Variants in SUSD1 observed in about 807,000 individuals in gnomAD.
SUSD1 encodes the protein sushi domain containing 1, also known as sushi domain-containing protein 1.
A neutral mutation model predicts 86.9 loss-of-function variants in SUSD1; 65 were observed. The ratio of observed to expected loss-of-function variants is 0.75; its 90% CI spans 0.61 to 0.92. The LOEUF is 0.92. Among genes scored for constraint, SUSD1 ranks in the 40% least tolerant of loss-of-function variants. SUSD1 has a pLI of 0.00. For missense variants in SUSD1, 850 were observed against 929.7 expected, an observed-to-expected ratio of 0.91 and a Z score of 1.11; for synonymous variants, 346 against 350.0, an observed-to-expected ratio of 0.99 and a Z score of 0.13.
chr9:112,058,168 G>A (rs979734619), intron 14 of SUSD1, among the ~76,000 whole-genome samples: 1 of 149,916 alleles, frequency 6.7e-6, no homozygotes, highest in Admixed American at 6.6e-5. Context: ...TAGAATGAGG[G>A]CATCTGTAAA....
intron 14 of SUSD1, among the ~76,000 whole-genome samples, chr9:112,056,708 CTTTG>C (rs1356801116): frequency 7.1e-6 from 1 of 139,962 alleles, no homozygotes; most frequent in Non-Finnish European, 1.5e-5. Flanking sequence ...AACCAGAATT[CTTTG>C]TGTGTGTGTG....
chr9:112,175,220 A>G lies in SUSD1; in HGVS notation c.16T>C (p.Trp6Arg). 8.7e-7 allele frequency: 1 copy of G among 1,150,222 alleles called. No homozygotes were observed. The highest frequency in any genetic ancestry group is 1.1e-6 in the Non-Finnish European group (1 of 937,998). The allele number at this position is 1,150,222 out of a possible 1,614,324, so 71.3% of individuals were successfully genotyped here. A position where few individuals can be genotyped will look rare whatever the true frequency, so the allele number is the denominator to read the frequency against. Residue 6 changes from tryptophan to arginine, a missense_variant, in exon 1 of 17, where the codon TGG becomes CGG. Physicochemically the swap from Trp to Arg is moderately radical, Grantham distance 101. Transcript: ENST00000374270. The surrounding 1 kb of genome is among the most constrained non-coding windows in gnomAD (Gnocchi z 4.7). MGRGP[W>R]DAGPSRRLLP... Reference sequence around the variant, plus strand: ...AGGCGGCGAGACGGGCCCGCATCCCAGGGCCCCCGGCCCATGCCGCCGCCG... The same window carrying G: ...AGGCGGCGAGACGGGCCCGCATCCCGGGGCCCCCGGCCCATGCCGCCGCCG...
chr9:112,132,504 T>C (rs921977998), intron 5 of SUSD1, among the ~76,000 whole-genome samples: 8 of 152,230 alleles, frequency 5.3e-5, no homozygotes. Flanking sequence ...GTCACTAGCA[T>C]GCCTTAGAAT....
intron 5 of SUSD1, among the ~76,000 whole-genome samples, chr9:112,136,709 T>C (rs897508395): frequency 2.6e-5 from 4 of 152,198 alleles, no homozygotes; most frequent in African/African-American, 9.6e-5. Context: ...ATACCAGCAC[T>C]AAAATTCCAC....
At chr9:112,166,016 A>G (rs1414147164) in intron 1 of SUSD1, among the ~76,000 whole-genome samples, 1 of 152,164 alleles carries the variant, frequency 6.6e-6, no homozygotes, top group Non-Finnish European at 1.5e-5. Flanking sequence ...CATAAGTATA[A>G]CCGCAAAGAC....
chr9:112,151,719 A>T (rs10817271), intron 2 of SUSD1, among the ~76,000 whole-genome samples: 68,862 of 151,374 alleles, frequency 0.45, 16,332 homozygotes, highest in African/African-American at 0.6. Context: ...CTGGCCAACA[A>T]GGTGAAACCC....
intron 1 of SUSD1, among the ~76,000 whole-genome samples, chr9:112,169,563 G>A (rs1247566982): frequency 6.6e-6 from 1 of 151,944 alleles, no homozygotes; most frequent in African/African-American, 2.4e-5. Context: ...CACACTGAGT[G>A]CCATTCATTT....
At chr9:112,060,943 C>T (rs1828695508) in intron 13 of SUSD1, among the ~76,000 whole-genome samples, 1 of 152,176 alleles carries the variant, frequency 6.6e-6, no homozygotes, top group Non-Finnish European at 1.5e-5. Flanking sequence ...GAGGCATCAT[C>T]GACAGAGTAT....
intron 5 of SUSD1, among the ~76,000 whole-genome samples, chr9:112,135,830 A>G (rs1293107695): frequency 6.6e-6 from 1 of 152,232 alleles, no homozygotes; most frequent in Non-Finnish European, 1.5e-5. Context: ...GGCTTTATTC[A>G]TTATCCGATT....
At chr9:112,110,563 C>CTT in intron 8 of SUSD1, among the ~76,000 whole-genome samples, 1 of 143,526 alleles carries the variant, frequency 7.0e-6, no homozygotes, top group East Asian at 2.1e-4. Flanking sequence ...AATTTTCTTT[C>CTT]TTTTTTTTTT....
At chr9:112,172,956 C>T (rs1834107933) in intron 1 of SUSD1, among the ~76,000 whole-genome samples, 2 of 152,194 alleles carry the variant, frequency 1.3e-5, no homozygotes, top group African/African-American at 4.8e-5. Context: ...GGGGGCTCAA[C>T]CAGGAAGCCT....
At chr9:112,059,056 T>G (rs1051599328) in intron 13 of SUSD1, among the ~76,000 whole-genome samples, 1 of 152,198 alleles carries the variant, frequency 6.6e-6, no homozygotes, top group Admixed American at 6.5e-5. Context: ...CCTCCCAGAG[T>G]GCTGGGATTA....
At chr9:112,152,739 A>AT (rs1298343871) in intron 2 of SUSD1, among the ~76,000 whole-genome samples, 201 of 93,872 alleles carry the variant, frequency 2.1e-3, no homozygotes, top group African/African-American at 8.5e-3. Context: ...TTCTTCTATT[A>AT]TTTTTTTTAA....
chr9:112,157,592 C>T lies in SUSD1; in HGVS notation c.125G>A (p.Cys42Tyr). Residue 42 changes from cysteine to tyrosine, a missense_variant, in exon 2 of 17, where the codon TGC (cysteine) becomes TAC (tyrosine). By Grantham distance (194) the Cys-to-Tyr change is radical. Coordinates refer to ENST00000374270, the MANE Select transcript of SUSD1 (RefSeq NM_022486.5). ...TTGCTGGCATGTGGCATGTTCATGG[C>T]AAGTGGCACAGACGTCTAAACCTGA... Reference protein sequence around the residue: ...GPDGLDVCATCHEHATCQQRE... With the variant: ...GPDGLDVCATYHEHATCQQRE... 1 of 1,613,960 alleles carries T rather than the reference C, an allele frequency of 6.2e-7. No homozygotes were observed. Among genetic ancestry groups the T allele is most frequent in the Non-Finnish European group, 8.5e-7 (1 of 1,179,920 alleles).
At chr9:112,051,607 T>G (rs983504939) in intron 15 of SUSD1, among the ~76,000 whole-genome samples, 1 of 151,776 alleles carries the variant, frequency 6.6e-6, no homozygotes, top group African/African-American at 2.4e-5. Flanking sequence ...AATTTTGTAT[T>G]TTTAGTAGAG....
intron 8 of SUSD1, among the ~76,000 whole-genome samples, chr9:112,111,165 TC>T (rs1307064604): frequency 6.6e-6 from 1 of 152,162 alleles, no homozygotes; most frequent in East Asian, 1.9e-4. Context: ...GCTAAGTTTT[TC>T]TATTTTCAGT....
chr9:112,069,002 A>G (rs1227070554), intron 12 of SUSD1, among the ~76,000 whole-genome samples: 1 of 152,144 alleles, frequency 6.6e-6, no homozygotes, highest in African/African-American at 2.4e-5. Flanking sequence ...GAAGTGTATA[A>G]GGAATCCTCC....
chr9:112,162,703 A>C (rs1167240463), intron 1 of SUSD1, among the ~76,000 whole-genome samples: 1 of 152,224 alleles, frequency 6.6e-6, no homozygotes, highest in African/African-American at 2.4e-5. Context: ...TTTGAGTCAC[A>C]AAGTATACAG....
chr9:112,060,918 G>A (rs952147577), intron 13 of SUSD1, among the ~76,000 whole-genome samples: 3 of 152,146 alleles, frequency 2.0e-5, no homozygotes, highest in Admixed American at 6.5e-5. Context: ...ATTTGGTTCC[G>A]TACATTGCTC....
Sources: allele counts gnomAD v4.1 joint callset (sites outside exome capture counted in the v4.1 genomes callset), GRCh38; gene constraint gnomAD v4.1.1; non-coding constraint Gnocchi (gnomAD v3.1); transcripts MANE v1.5; gene names NCBI Gene and HGNC (gene_info 2026-07-23, HGNC 2026-07-21).